The following LINGO2 variants were observed in gnomAD, a reference collection of about 807,000 sequenced individuals.
The protein encoded by LINGO2 is leucine-rich repeat and immunoglobulin-like domain-containing nogo receptor-interacting protein 2.
LINGO2 carries 14 observed loss-of-function variants against 30.6 expected under a neutral mutation model. The observed-to-expected ratio is 0.46, with a 90% CI of 0.30 to 0.72. The LOEUF is 0.72. Ranked by LOEUF, LINGO2 falls within the 30% of genes least tolerant of loss-of-function variation. The probability of loss-of-function intolerance (pLI) is 0.07; values close to 1 mark genes in which losing one functional copy is unlikely to be tolerated. For synonymous variants in LINGO2, 317 were observed against 288.5 expected (o/e 1.10, Z -1.00); for missense variants, 729 against 751.7 (o/e 0.97, Z 0.35).
rs187438706 is a variant in LINGO2, at chr9:28,630,362, T to C, written c.-365+39838A>G. 4.6e-5 allele frequency among the ~76,000 whole-genome samples: 7 copies of C among 152,262 alleles called. No individual in the cohort carries two copies. The East Asian group carries it at 1.2e-3, about 25-fold the overall frequency. On this transcript the variant is annotated intron_variant, in intron 1 of 5. Coordinates refer to ENST00000379992, the Ensembl canonical transcript of LINGO2. Reference sequence around the variant, plus strand: ...GGCTCATCTTTTTTTCTATTATTAATACTGCTAATTAGTCCTAACTAATTA... The same window carrying C: ...GGCTCATCTTTTTTTCTATTATTAACACTGCTAATTAGTCCTAACTAATTA...
the LINGO2 span, among the ~76,000 whole-genome samples, chr9:28,917,955 C>G: frequency 6.6e-5 from 10 of 151,974 alleles, no homozygotes; most frequent in Admixed American, 6.6e-4. Context: ...CTGTGACAAA[C>G]AGTGCTAGCG....
chr9:28,019,330 T>TTC (rs1554659386), intron 4 of LINGO2, among the ~76,000 whole-genome samples: 12 of 150,438 alleles, frequency 8.0e-5, no homozygotes, highest in East Asian at 7.8e-4. Context: ...TTTTTTTTTT[T>TTC]CCATTCCTTA....
chr9:29,135,633 T>C, the LINGO2 span, among the ~76,000 whole-genome samples: 4 of 152,142 alleles, frequency 2.6e-5, no homozygotes, highest in Non-Finnish European at 5.9e-5. Context: ...ATTTAACTTC[T>C]TTTAAAATTC....
chr9:28,019,838 C>G (rs183878119), intron 4 of LINGO2, among the ~76,000 whole-genome samples: 1 of 152,066 alleles, frequency 6.6e-6, no homozygotes, highest in Admixed American at 6.6e-5. Flanking sequence ...TGCTGAGTAA[C>G]CTTTGGCAAA....
At chr9:28,676,813 T>A in the LINGO2 span, among the ~76,000 whole-genome samples, 1,279 of 152,276 alleles carry the variant, frequency 8.4e-3, 29 homozygotes, top group Admixed American at 0.036. Flanking sequence ...GTGTTTTTAT[T>A]AGGTTAATCA....
At chr9:28,819,742 A>G in the LINGO2 span, among the ~76,000 whole-genome samples, 1 of 152,202 alleles carries the variant, frequency 6.6e-6, no homozygotes, top group Non-Finnish European at 1.5e-5. Context: ...ATGAGAAACT[A>G]CTTGCCTTGG....
At chr9:28,848,385 G>A in the LINGO2 span, among the ~76,000 whole-genome samples, 6 of 54,398 alleles carry the variant, frequency 1.1e-4, no homozygotes, top group African/African-American at 3.1e-4. Flanking sequence ...GTGTGTGTGT[G>A]TGTGTGTGTG....
the LINGO2 span, among the ~76,000 whole-genome samples, chr9:29,174,657 A>T: frequency 6.6e-6 from 1 of 152,216 alleles, no homozygotes; most frequent in African/African-American, 2.4e-5. Flanking sequence ...TTAAAAGTCT[A>T]TTGAAGTTTC....
chr9:28,198,801 G>T (rs754041835), intron 4 of LINGO2, among the ~76,000 whole-genome samples: 6 of 152,068 alleles, frequency 3.9e-5, no homozygotes, highest in Non-Finnish European at 7.4e-5. Flanking sequence ...TTTAGGACAA[G>T]TTTGCCTTTA....
chr9:29,130,676 A>T, the LINGO2 span, among the ~76,000 whole-genome samples: 264 of 152,110 alleles, frequency 1.7e-3, 6 homozygotes, highest in South Asian at 0.038. Flanking sequence ...ATTTTAGCAC[A>T]CTTTTCAAAA....
chr9:28,043,481 A>G (rs1392644090), intron 4 of LINGO2, among the ~76,000 whole-genome samples: 1 of 152,226 alleles, frequency 6.6e-6, no homozygotes, highest in Non-Finnish European at 1.5e-5. Flanking sequence ...AGAGACTGGA[A>G]ACAAATTACG....
At chr9:28,120,635 T>A (rs1827067937) in intron 4 of LINGO2, among the ~76,000 whole-genome samples, 1 of 152,236 alleles carries the variant, frequency 6.6e-6, no homozygotes, top group Non-Finnish European at 1.5e-5. Context: ...GTTTGGTTTT[T>A]ACTTGATGCA....
chr9:28,924,373 A>T, the LINGO2 span, among the ~76,000 whole-genome samples: 1 of 151,926 alleles, frequency 6.6e-6, no homozygotes, highest in Non-Finnish European at 1.5e-5. Flanking sequence ...GACCCGCACC[A>T]CCATGCCCAG....
the LINGO2 span, among the ~76,000 whole-genome samples, chr9:28,712,089 C>T: frequency 3.9e-5 from 6 of 151,924 alleles, no homozygotes; most frequent in African/African-American, 1.5e-4. Context: ...CTACATTTGA[C>T]AGAATAAAAT....
chr9:28,257,366 C>T (rs946818845), intron 4 of LINGO2, among the ~76,000 whole-genome samples: 1 of 151,752 alleles, frequency 6.6e-6, no homozygotes, highest in Non-Finnish European at 1.5e-5. Context: ...TTAAATAATT[C>T]ATCAAGACAG....
the LINGO2 span, among the ~76,000 whole-genome samples, chr9:29,109,784 A>C: frequency 7.2e-5 from 11 of 152,344 alleles, no homozygotes; most frequent in East Asian, 1.9e-3. Context: ...GTATTAGCTA[A>C]GTTGGTGATT....
intron 1 of LINGO2, among the ~76,000 whole-genome samples, chr9:28,581,790 A>T (rs1426692801): frequency 6.6e-6 from 1 of 151,874 alleles, no homozygotes; most frequent in Non-Finnish European, 1.5e-5. Context: ...ATATTAAATA[A>T]TTTTCTAATG....
intron 2 of LINGO2, among the ~76,000 whole-genome samples, chr9:28,426,150 C>T (rs1823401850): frequency 1.3e-5 from 2 of 152,078 alleles, no homozygotes; most frequent in Non-Finnish European, 2.9e-5. Context: ...ATGACACACA[C>T]ATGCACACAC....
At chr9:28,042,592 C>A (rs971561880) in intron 4 of LINGO2, among the ~76,000 whole-genome samples, 1 of 152,070 alleles carries the variant, frequency 6.6e-6, no homozygotes, top group African/African-American at 2.4e-5. Flanking sequence ...AAGAAAGGTA[C>A]AAATTCAAGA....
Sources: gnomAD v4.1 joint callset for allele counts (sites outside exome capture counted in the v4.1 genomes callset) on GRCh38, gnomAD v4.1.1 for gene constraint, MANE v1.5 for transcripts, NCBI Gene and HGNC (gene_info 2026-07-23, HGNC 2026-07-21) for gene names.